The following KCNH2 variants were observed in gnomAD, a reference collection of about 807,000 sequenced individuals.
KCNH2 encodes voltage-gated inwardly rectifying potassium channel KCNH2.
KCNH2 carries 35 observed loss-of-function variants against 95.9 expected under a neutral mutation model. The observed-to-expected ratio is 0.37, with a 90% CI of 0.28 to 0.48. The LOEUF is 0.48. Ranked by LOEUF, KCNH2 falls within the 20% of genes least tolerant of loss-of-function variation. KCNH2 has a pLI of 0.99. For synonymous variants in KCNH2, 786 were observed against 754.7 expected (o/e 1.04, Z -0.68); for missense variants, 1,274 against 1,702.9 (o/e 0.75, Z 4.43).
intron 1 of KCNH2, among the ~76,000 whole-genome samples, chr7:150,976,242 G>C (rs550752093): frequency 2.6e-4 from 40 of 152,254 alleles, no homozygotes; most frequent in Non-Finnish European, 4.6e-4. Context: ...GCTGCAGCAG[G>C]GCACCCTGAG....
chr7:150,950,969 C>A lies in KCNH2; in HGVS notation c.2097G>T (p.Glu699Asp), dbSNP rs550680502. The change falls in exon 8 of 15, where the codon GAG becomes GAT. Residue 699 changes from glutamate (E) to aspartate (D), a missense_variant. By Grantham distance (45) the Glu-to-Asp change is conservative. Around this residue, in one of 7 missense-constraint regions of KCNH2, gnomAD observed 159 missense variants for 282.5 expected, o/e 0.56. Transcript: ENST00000262186. ...TGTAGGACCAGGCGTGCTGGAAGTA[C>A]TCCTCGAGGCGCTGGCGCAGGGGAT... ...IPNPLRQRLE[E>D]YFQHAWSYTN... The A allele has an allele frequency of 1.9e-6, 3 of 1,614,122 alleles. No homozygotes were observed. Among genetic ancestry groups the A allele is most frequent in the African/African-American group, 2.7e-5 (2 of 74,946 alleles).
In KCNH2 at chr7:150,948,478, C is replaced by CTTGCGT; in HGVS notation, c.2652_2657dup (p.Arg887_Lys888dup). 6.2e-7 allele frequency: 1 copy of CTTGCGT among 1,611,776 alleles called. No homozygotes were observed. The stretch of plus-strand genomic sequence containing the variant: ...TGCGCCTGCGGAAGGACAACTTGCG[C>CTTGCGT]TTGCGTTGCCGACTGAAGCCACCCT... On this transcript the variant is annotated inframe_insertion, in exon 11 of 15. Transcript: ENST00000262186.
chr7:150,950,180 C>A lies in KCNH2; in HGVS notation c.2386G>T (p.Val796Leu), dbSNP rs143335921. The A allele has an allele frequency of 3.8e-6, 5 of 1,320,562 alleles. No homozygotes were observed. Among genetic ancestry groups the A allele is most frequent in the Admixed American group, 1.9e-5 (1 of 52,350 alleles). 81.8% of individuals were successfully genotyped at this position (1,320,562 alleles called of 1,614,324 possible). A position where few individuals can be genotyped will look rare whatever the true frequency, so the allele number is the denominator to read the frequency against. ...SIEILRGDVV[V>L]AILGKNDIFG... ...CCCCACCCCATACCCAGGATGGCCA[C>A]GACGACGTCGCCCCGCAGGATCTCG... The change falls in exon 9 of 15, where the codon GTG becomes TTG. Residue 796 changes from valine (V) to leucine (L), a missense_variant. Physicochemically the swap from Val to Leu is conservative, Grantham distance 32. This residue lies in a region of KCNH2 where 159 missense variants were observed against 282.5 expected (regional missense o/e 0.56). Transcript: ENST00000262186.
chr7:150,947,216 G>T, intron 13 of KCNH2, 112 bp downstream of exon 13: 2 of 1,151,304 alleles, frequency 1.7e-6, no homozygotes, highest in East Asian at 5.2e-5. Flanking sequence ...ATGGAAGAAG[G>T]GGATCCAGCT....
intron 6 of KCNH2, 55 bp from the exon 7 acceptor site, chr7:150,951,890 G>GCA: frequency 6.7e-7 from 1 of 1,492,414 alleles, no homozygotes; most frequent in Non-Finnish European, 9.0e-7. Flanking sequence ...GGCAAGGGAG[G>GCA]AGGGGAGGTG....
chr7:150,974,617 ACACCC>A, intron 2 of KCNH2, 89 bp downstream of exon 2: 2 of 119,902 alleles, frequency 1.7e-5, no homozygotes, highest in Non-Finnish European at 2.9e-5. Context: ...AGCCGCCCCC[ACACCC>A]CCACACCCCC....
rs1486379523 is a variant in KCNH2 at position 150,946,629 on chromosome 7, C to T, written c.3330+248G>A. On this transcript the variant is annotated intron_variant, in intron 14 of 14. Transcript: ENST00000262186. The surrounding 1 kb of genome is among the most constrained non-coding windows in gnomAD (Gnocchi z 6.5). ...ACACTAGGGGAGTGAAGCTGCGGGC[C>T]ACTTAGCCTACAGGTTCCCTGCACC... is the stretch of plus-strand genomic sequence containing the variant. Among the ~76,000 whole-genome samples the T allele has an allele frequency of 6.6e-6, 1 of 152,164 alleles. No individual in the cohort carries two copies. The highest frequency in any genetic ancestry group is 2.4e-5 in the African/African-American group (1 of 41,430).
intron 2 of KCNH2, among the ~76,000 whole-genome samples, chr7:150,972,265 C>T (rs1319800867): frequency 2.0e-5 from 3 of 152,246 alleles, no homozygotes; most frequent in Non-Finnish European, 4.4e-5. Flanking sequence ...TCCTGCCCAG[C>T]TCCCCCTACC....
rs1802024017 is a variant in KCNH2, at chr7:150,978,080, C to T, written c.-167G>A. 1 of 206,846 alleles carries T rather than the reference C, an allele frequency of 4.8e-6. No individual in the cohort carries two copies. Among genetic ancestry groups the T allele is most frequent in the African/African-American group, 2.4e-5 (1 of 42,236 alleles). 12.8% of individuals were successfully genotyped at this position (206,846 alleles called of 1,614,324 possible). On this transcript the variant is annotated 5_prime_UTR_variant, in exon 1 of 15. Transcript: ENST00000262186. The stretch of plus-strand genomic sequence containing the variant: ...GCGGGCGCCGGGTCCTCGCTCGGCT[C>T]CCGGCTCCCCGCTCCGGACCCCGGG...
Position 150,955,658 on chromosome 7 carries a change from G to A in KCNH2, c.1128+1633C>T. ...CCCCTGGCATGAAGCCAGGGTGGTTGTGGCTGGGCCCCAGGGCTGGGGTCA... is the reference window on the plus strand; with the variant it reads ...CCCCTGGCATGAAGCCAGGGTGGTTATGGCTGGGCCCCAGGGCTGGGGTCA... On this transcript the variant is annotated intron_variant, in intron 5 of 14. Transcript: ENST00000262186. The A allele has an allele frequency of 2.8e-6, 4 of 1,406,754 alleles. No homozygotes were observed. In the South Asian group the frequency reaches 6.5e-5, roughly 23 times the overall value. The allele number at this position is 1,406,754 out of a possible 1,614,324, so 87.1% of individuals were successfully genotyped here.
rs1375708132 is a variant in KCNH2 at position 150,945,463 on chromosome 7, G to A, written c.3382C>T (p.Pro1128Ser). ...EELPPGAPEL[P>S]QEGPTRRLSL... ...AGGCGTCGTGTGGGGCCTTCTTGGG[G>A]AAGCTCTGGGGCCCCCGGGGGCAGC... The change falls in exon 15 of 15, where the codon CCC becomes TCC. Residue 1128 changes from proline to serine, a missense_variant. By Grantham distance (74) the Pro-to-Ser change is moderately conservative. Around this residue, in one of 7 missense-constraint regions of KCNH2, gnomAD observed 457 missense variants for 416.1 expected, o/e 1.10. Coordinates refer to ENST00000262186, the MANE Select transcript of KCNH2 (RefSeq NM_000238.4). This position sits in a 1 kb window ranked among gnomAD's most constrained non-coding sequence, Gnocchi z 5.6. 1 of 1,560,460 alleles carries A rather than the reference G, an allele frequency of 6.4e-7. No individual in the cohort carries two copies. Among genetic ancestry groups the A allele is most frequent in the African/African-American group, 1.4e-5 (1 of 73,214 alleles).
chr7:150,948,407 T>TCCCCCCCCCCCCCCCCCCCCCCCCCCC, intron 11 of KCNH2, 37 bp downstream of exon 11: 2 of 1,219,314 alleles, frequency 1.6e-6, no homozygotes, highest in Non-Finnish European at 2.3e-6. Flanking sequence ...CCTCACCTTG[T>TCCCCCCCCCCCCCCCCCCCCCCCCCCC]CCCCGCCCTC....
At position 150,948,489 on chromosome 7, in the gene KCNH2, G is replaced by T. The variant is rs201765446; in HGVS notation, c.2647C>A (p.Arg883=). The T allele has an allele frequency of 6.5e-7, 1 of 1,539,584 alleles. No homozygotes were observed. Among genetic ancestry groups the T allele is most frequent in the Non-Finnish European group, 8.8e-7 (1 of 1,134,240 alleles). The change falls in exon 11 of 15, where the codon CGG becomes AGG. Residue 883 remains arginine, a synonymous_variant. Transcript: ENST00000262186. ...AAGGACAACTTGCGCTTGCGTTGCC[G>T]ACTGAAGCCACCCTCTAACTCCGTA... is the stretch of plus-strand genomic sequence containing the variant. ...GSTELEGGFS[R]QRKRKLSFRR... is the part of the protein sequence containing the mutation.
chr7:150,977,795 G>GC (rs1315751480), intron 1 of KCNH2, 43 bp downstream of exon 1: 8 of 440,778 alleles, frequency 1.8e-5, no homozygotes, highest in Admixed American at 1.0e-4. Context: ...AGCTCGGCCC[G>GC]CCCCCAGAGC....
At chr7:150,958,038 C>T (rs560758248) in intron 4 of KCNH2, 21 bp downstream of exon 4, 30 of 1,264,170 alleles carry the variant, frequency 2.4e-5, no homozygotes, top group East Asian at 1.5e-4. Context: ...TGGGGCGGAA[C>T]GGGTCCCGCG....
chr7:150,948,493 G>C lies in KCNH2; in HGVS notation c.2643C>G (p.Phe881Leu). 1 of 1,612,422 alleles carries C rather than the reference G, an allele frequency of 6.2e-7. No homozygotes were observed. The highest frequency in any genetic ancestry group is 8.5e-7 in the Non-Finnish European group (1 of 1,179,888). ...SPGSTELEGG[F>L]SRQRKRKLSF... ...ACAACTTGCGCTTGCGTTGCCGACT[G>C]AAGCCACCCTCTAACTCCGTACTGC... Residue 881 changes from phenylalanine (F) to leucine (L), a missense_variant, in exon 11 of 15, where the codon TTC (phenylalanine) becomes TTG (leucine). Around this residue, in one of 7 missense-constraint regions of KCNH2, gnomAD observed 457 missense variants for 416.1 expected, o/e 1.10. Transcript: ENST00000262186.
At chr7:150,957,548 G>C in intron 4 of KCNH2, 46 bp from the exon 5 acceptor site, 1 of 1,403,552 alleles carries the variant, frequency 7.1e-7, no homozygotes, top group Non-Finnish European at 1.0e-6. Context: ...CAGGGCCCCA[G>C]GCCAGGCAGG....
intron 1 of KCNH2, among the ~76,000 whole-genome samples, 161 bp from the exon 2 acceptor site, chr7:150,975,102 G>T (rs895176236): frequency 6.6e-6 from 1 of 152,018 alleles, no homozygotes; most frequent in East Asian, 1.9e-4. Flanking sequence ...GCAGCTGTGC[G>T]TGTGCCCCGA....
chr7:150,956,099 A>C (rs563366165), intron 5 of KCNH2, among the ~76,000 whole-genome samples: 1 of 152,118 alleles, frequency 6.6e-6, no homozygotes, highest in African/African-American at 2.4e-5. Context: ...GACTGGCAGG[A>C]ACACACACGC....
Sources: gnomAD v4.1 joint callset for allele counts (sites outside exome capture counted in the v4.1 genomes callset) on GRCh38, gnomAD v4.1.1 for gene constraint, gnomAD v4.1.1 regional missense constraint, Gnocchi (gnomAD v3.1) non-coding constraint, MANE v1.5 for transcripts, NCBI Gene and HGNC (gene_info 2026-07-23, HGNC 2026-07-21) for gene names.